The following TOX variants were observed in gnomAD, a reference collection of about 807,000 sequenced individuals.
TOX encodes thymocyte selection-associated high mobility group box protein TOX.
TOX carries 11 observed loss-of-function variants against 53.7 expected under a neutral mutation model. That is an observed-to-expected ratio of 0.20 (90% CI 0.13 to 0.34). The LOEUF is 0.34. Among genes scored for constraint, TOX ranks in the 10% least tolerant of loss-of-function variants. The probability of loss-of-function intolerance (pLI) is 1.00; values close to 1 mark genes in which losing one functional copy is unlikely to be tolerated. For missense variants in TOX, 570 were observed against 664.6 expected (o/e 0.86, Z 1.56); for synonymous variants, 225 against 245.3 (o/e 0.92, Z 0.77).
intron 4 of TOX, among the ~76,000 whole-genome samples, chr8:58,848,238 A>G (rs1484448479): frequency 6.6e-6 from 1 of 152,060 alleles, no homozygotes; most frequent in Non-Finnish European, 1.5e-5. Flanking sequence ...AAAGAAGAGA[A>G]AGAATATAAA....
chr8:58,928,658 C>T (rs2326268), intron 3 of TOX, among the ~76,000 whole-genome samples: 47,480 of 151,696 alleles, frequency 0.31, 7,626 homozygotes, highest in East Asian at 0.41. Context: ...ACACACATCA[C>T]AATAGAAAAA....
intron 4 of TOX, among the ~76,000 whole-genome samples, chr8:58,844,527 G>A (rs941316347): frequency 6.6e-6 from 1 of 152,152 alleles, no homozygotes. Flanking sequence ...TTGAAAGTAA[G>A]GAGCAGGTCC....
intron 3 of TOX, among the ~76,000 whole-genome samples, chr8:58,921,320 C>G (rs1812071440): frequency 1.3e-5 from 2 of 152,214 alleles, no homozygotes; most frequent in African/African-American, 4.8e-5. Flanking sequence ...AATCCATAAA[C>G]AAGTTCAAAT....
chr8:59,105,568 G>A (rs868821174), intron 1 of TOX, among the ~76,000 whole-genome samples: 45 of 152,140 alleles, frequency 3.0e-4, no homozygotes, highest in Middle Eastern at 3.4e-3. Flanking sequence ...AGGCTGGATC[G>A]TCAGCCTGCA....
chr8:58,849,470 G>A (rs1479895248), intron 4 of TOX, among the ~76,000 whole-genome samples: 2 of 152,114 alleles, frequency 1.3e-5, no homozygotes, highest in Non-Finnish European at 2.9e-5. Context: ...ATACCCACTG[G>A]CAAAGTTTCA....
At chr8:59,098,002 C>T (rs939739160) in intron 1 of TOX, among the ~76,000 whole-genome samples, 9 of 151,724 alleles carry the variant, frequency 5.9e-5, no homozygotes, top group African/African-American at 1.2e-4. Context: ...GGGGGAATCA[C>T]GGAGGGAAAT....
At chr8:59,059,713 A>G (rs2129421840) in intron 1 of TOX, among the ~76,000 whole-genome samples, 1 of 152,342 alleles carries the variant, frequency 6.6e-6, no homozygotes, top group East Asian at 1.9e-4. Context: ...GCAAACAGTT[A>G]GTAAAATTAT....
chr8:58,929,534 C>T (rs1318700352), intron 3 of TOX, among the ~76,000 whole-genome samples: 1 of 151,996 alleles, frequency 6.6e-6, no homozygotes, highest in Non-Finnish European at 1.5e-5. Flanking sequence ...GCTCTTAAAG[C>T]ATTCCCATAT....
chr8:59,084,347 A>C (rs1459469449), intron 1 of TOX, among the ~76,000 whole-genome samples: 1 of 152,178 alleles, frequency 6.6e-6, no homozygotes, highest in Non-Finnish European at 1.5e-5. Context: ...AAAATAAGGG[A>C]ATGATTGTAT....
intron 1 of TOX, among the ~76,000 whole-genome samples, chr8:59,086,732 G>C (rs1013775775): frequency 4.6e-5 from 7 of 152,116 alleles, no homozygotes; most frequent in Non-Finnish European, 7.3e-5. Flanking sequence ...TAAATTTCTC[G>C]GCTTGATAGC....
At chr8:59,048,398 A>G (rs1803727006) in intron 1 of TOX, among the ~76,000 whole-genome samples, 1 of 152,214 alleles carries the variant, frequency 6.6e-6, no homozygotes, top group Non-Finnish European at 1.5e-5. Context: ...AAAGCTCCAC[A>G]TTAGAACATA....
intron 1 of TOX, among the ~76,000 whole-genome samples, chr8:58,984,675 C>T (rs1053904961): frequency 6.7e-6 from 1 of 149,254 alleles, no homozygotes; most frequent in South Asian, 2.1e-4. Context: ...CCCAGCTACT[C>T]GGGAGGCTGA....
At chr8:58,877,517 C>G (rs184620888) in intron 3 of TOX, among the ~76,000 whole-genome samples, 2 of 152,288 alleles carry the variant, frequency 1.3e-5, no homozygotes, top group East Asian at 3.9e-4. Flanking sequence ...AGAGACTCAA[C>G]AAGACTTCTT....
intron 1 of TOX, among the ~76,000 whole-genome samples, chr8:58,960,405 C>T (rs149553684): frequency 8.3e-4 from 127 of 152,218 alleles, no homozygotes; most frequent in African/African-American, 2.6e-3. Flanking sequence ...GAAAAATACA[C>T]GAAGGCACAG....
intron 3 of TOX, among the ~76,000 whole-genome samples, chr8:58,934,202 G>C (rs544900227): frequency 6.6e-6 from 1 of 152,192 alleles, no homozygotes; most frequent in African/African-American, 2.4e-5. Context: ...TAGAAAAGAG[G>C]GACTTCAGGA....
chr8:58,834,005 T>C (rs1335236187), intron 5 of TOX, among the ~76,000 whole-genome samples: 1 of 152,164 alleles, frequency 6.6e-6, no homozygotes, highest in Non-Finnish European at 1.5e-5. Flanking sequence ...ATTCTGAAAA[T>C]AAAGATCTGC....
intron 3 of TOX, among the ~76,000 whole-genome samples, chr8:58,878,462 C>A (rs1385955741): frequency 6.6e-6 from 1 of 152,170 alleles, no homozygotes; most frequent in Non-Finnish European, 1.5e-5. Flanking sequence ...CTTTTTAAAT[C>A]TGCTTTGAAA....
rs189092188 is a variant in TOX, at chr8:59,058,006, C to T, written c.102+60880G>A. 2.9e-3 allele frequency among the ~76,000 whole-genome samples: 438 copies of T among 151,876 alleles called. 1 individual carries two copies. Among genetic ancestry groups the T allele is most frequent in the Middle Eastern group, 6.8e-3 (2 of 294 alleles). ...ACTACAGGTCAATCCAGGCTCTAGA[C>T]GGAAAAAATAATATTTTTAAAATAT... On this transcript the variant is annotated intron_variant, in intron 1 of 8. Coordinates refer to ENST00000361421, the MANE Select transcript of TOX (RefSeq NM_014729.3).
intron 1 of TOX, among the ~76,000 whole-genome samples, chr8:58,994,379 T>G (rs1249498969): frequency 3.4e-5 from 5 of 148,640 alleles, no homozygotes; most frequent in Admixed American, 6.8e-5. Flanking sequence ...GTTTATAGCT[T>G]TCAAAATGCC....
Sources: allele counts gnomAD v4.1 joint callset (sites outside exome capture counted in the v4.1 genomes callset), GRCh38; gene constraint gnomAD v4.1.1; transcripts MANE v1.5; gene names NCBI Gene and HGNC (gene_info 2026-07-23, HGNC 2026-07-21).